Variants in GALNT14 observed in about 807,000 individuals in gnomAD.
GALNT14 encodes polypeptide N-acetylgalactosaminyltransferase 14.
GALNT14 carries 60 observed loss-of-function variants against 77.5 expected under a neutral mutation model. The ratio of observed to expected loss-of-function variants is 0.77; its 90% CI spans 0.63 to 0.96. The LOEUF is 0.96. Ranked by LOEUF, GALNT14 falls within the 40% of genes least tolerant of loss-of-function variation. GALNT14 has a pLI of 0.00. For synonymous variants in GALNT14, 280 were observed against 281.7 expected, an observed-to-expected ratio of 0.99 and a Z score of 0.06; for missense variants, 710 against 731.0, an observed-to-expected ratio of 0.97 and a Z score of 0.33.
At position 31,004,819 on chromosome 2, in the gene GALNT14, A is replaced by G. The variant is rs1229539277; in HGVS notation, c.130-11812T>C. 2.6e-5 allele frequency among the ~76,000 whole-genome samples: 4 copies of G among 152,188 alleles called. No individual in the cohort carries two copies. In the East Asian group the frequency reaches 7.7e-4, roughly 29 times the overall value. Reference sequence around the variant, plus strand: ...TTAGCTCACTGCAAAGGACTGGAACATATCTTAAGGCACCATCAGAAAGCT... The same window carrying G: ...TTAGCTCACTGCAAAGGACTGGAACGTATCTTAAGGCACCATCAGAAAGCT... On this transcript the variant is annotated intron_variant, in intron 1 of 14. Transcript: ENST00000349752.
At chr2:30,928,468 T>C (rs1251492702) in intron 11 of GALNT14, among the ~76,000 whole-genome samples, 1 of 152,136 alleles carries the variant, frequency 6.6e-6, no homozygotes, top group Non-Finnish European at 1.5e-5. Context: ...TGCCATGGTG[T>C]CATCTAGGGC....
intron 2 of GALNT14, chr2:30,986,952 A>G (rs1422804247): frequency 6.6e-6 from 1 of 152,204 alleles, no homozygotes; most frequent in African/African-American, 2.4e-5. Flanking sequence ...AGTGGGGGCC[A>G]GTGTATGAGT....
chr2:30,906,011 T>C (rs1289739749), downstream of GALNT14, among the ~76,000 whole-genome samples: 4 of 150,720 alleles, frequency 2.7e-5, no homozygotes, highest in African/African-American at 9.7e-5. Context: ...AAGCAAATGC[T>C]GAGAGATTTT....
At chr2:31,053,657 C>A (rs180767881) in intron 1 of GALNT14, among the ~76,000 whole-genome samples, 1 of 152,164 alleles carries the variant, frequency 6.6e-6, no homozygotes, top group Non-Finnish European at 1.5e-5. Flanking sequence ...CCTGCCGCCA[C>A]TAAAAAGCAG....
intron 1 of GALNT14, among the ~76,000 whole-genome samples, chr2:31,117,920 C>G (rs1678192995): frequency 6.6e-6 from 1 of 152,166 alleles, no homozygotes; most frequent in South Asian, 2.1e-4. Flanking sequence ...CCCACATTAT[C>G]TGGCAGAAGG....
At chr2:31,063,612 T>C (rs1198273716) in intron 1 of GALNT14, among the ~76,000 whole-genome samples, 1 of 152,250 alleles carries the variant, frequency 6.6e-6, no homozygotes, top group Admixed American at 6.5e-5. Context: ...CAATAGTAGC[T>C]TGATGGGAAT....
At chr2:31,135,596 T>C (rs967933880) in intron 1 of GALNT14, among the ~76,000 whole-genome samples, 1 of 151,904 alleles carries the variant, frequency 6.6e-6, no homozygotes, top group Non-Finnish European at 1.5e-5. Context: ...TCTAGAAGGA[T>C]ACAGAAAATG....
At chr2:31,091,501 C>T (rs1294902963) in intron 1 of GALNT14, among the ~76,000 whole-genome samples, 1 of 152,192 alleles carries the variant, frequency 6.6e-6, no homozygotes, top group African/African-American at 2.4e-5. Context: ...GCCCCAAGGC[C>T]ACTCCTGTGA....
At chr2:30,968,945 G>A (rs755252871) in intron 2 of GALNT14, among the ~76,000 whole-genome samples, 4 of 152,184 alleles carry the variant, frequency 2.6e-5, no homozygotes, top group Non-Finnish European at 4.4e-5. Context: ...GGTAGTTGAG[G>A]TGGAACCAGG....
At chr2:31,065,777 A>G (rs1015775384) in intron 1 of GALNT14, among the ~76,000 whole-genome samples, 1 of 152,146 alleles carries the variant, frequency 6.6e-6, no homozygotes, top group Non-Finnish European at 1.5e-5. Flanking sequence ...CCCTCCTACA[A>G]ATCCCTCCTG....
intron 1 of GALNT14, among the ~76,000 whole-genome samples, chr2:31,043,365 T>C (rs1320853347): frequency 6.6e-6 from 1 of 152,232 alleles, no homozygotes; most frequent in African/African-American, 2.4e-5. Context: ...CTATCCTCCC[T>C]TGCTAAAATA....
intron 2 of GALNT14, among the ~76,000 whole-genome samples, chr2:30,987,219 G>C (rs2194460): frequency 6.6e-6 from 1 of 151,384 alleles, no homozygotes; most frequent in Non-Finnish European, 1.5e-5. Flanking sequence ...GCTGACGACA[G>C]AGGTTTCCAT....
chr2:30,999,440 T>C (rs565350553), intron 1 of GALNT14, among the ~76,000 whole-genome samples: 78 of 152,342 alleles, frequency 5.1e-4, no homozygotes, highest in Non-Finnish European at 1.3e-4. Context: ...ATTTCCCAGA[T>C]CTTCCAACCC....
In GALNT14 at chr2:30,921,695, G is replaced by A. The variant is rs528063469; in HGVS notation, c.1380+2424C>T. On this transcript the variant is annotated intron_variant, in intron 13 of 14. Coordinates refer to ENST00000349752, the MANE Select transcript of GALNT14 (RefSeq NM_024572.4). ...ATGTCAGGGTAGGGGCAGGGCTGCA[G>A]CCAGGGCAGGAGAAGCAAGTGGAGG... is the stretch of plus-strand genomic sequence containing the variant. 2.6e-5 allele frequency among the ~76,000 whole-genome samples: 4 copies of A among 152,360 alleles called. No homozygotes were observed. In the South Asian group the frequency reaches 8.3e-4, roughly 32 times the overall value.
chr2:31,118,366 C>T (rs7582458), intron 1 of GALNT14, among the ~76,000 whole-genome samples: 46,018 of 151,748 alleles, frequency 0.3, 7,895 homozygotes, highest in Admixed American at 0.38. Context: ...GTTAAAATTC[C>T]AAATAAATGT....
At chr2:31,017,521 T>C (rs1306321498) in intron 1 of GALNT14, among the ~76,000 whole-genome samples, 1 of 152,218 alleles carries the variant, frequency 6.6e-6, no homozygotes, top group East Asian at 1.9e-4. Flanking sequence ...GATAGATTAA[T>C]GAAGTAAAGG....
chr2:30,958,583 GC>G (rs1216421059), intron 3 of GALNT14, 119 bp from the exon 4 acceptor site: 1 of 741,862 alleles, frequency 1.3e-6, no homozygotes, highest in Admixed American at 2.2e-5. Flanking sequence ...GCACCAACGG[GC>G]TTGTCCAGTC....
intron 1 of GALNT14, among the ~76,000 whole-genome samples, chr2:31,023,468 C>A (rs1347268085): frequency 6.6e-6 from 1 of 151,972 alleles, no homozygotes; most frequent in Non-Finnish European, 1.5e-5. Context: ...TTTAAAATAC[C>A]CTCCCTCCCC....
chr2:30,986,506 G>A (rs574392009), intron 2 of GALNT14, among the ~76,000 whole-genome samples: 1 of 152,194 alleles, frequency 6.6e-6, no homozygotes, highest in South Asian at 2.1e-4. Flanking sequence ...GATGGAAGTG[G>A]GATGACTCGA....
Sources: gnomAD v4.1 joint callset for allele counts (sites outside exome capture counted in the v4.1 genomes callset) on GRCh38, gnomAD v4.1.1 for gene constraint, MANE v1.5 for transcripts, NCBI Gene and HGNC (gene_info 2026-07-23, HGNC 2026-07-21) for gene names.